SEMA4G: variants seen among roughly 807,000 people sequenced by gnomAD.
SEMA4G encodes semaphorin-4G.
A neutral mutation model predicts 81.2 loss-of-function variants in SEMA4G; 59 were observed. The ratio of observed to expected loss-of-function variants is 0.73; its 90% CI spans 0.59 to 0.90. The LOEUF is 0.90. Among genes scored for constraint, SEMA4G ranks in the 40% least tolerant of loss-of-function variants. The pLI is 0.00. For synonymous variants in SEMA4G, 404 were observed against 433.9 expected (o/e 0.93, Z 0.86); for missense variants, 952 against 1,102.3 (o/e 0.86, Z 1.93).
chr10:100,969,693 T>C (rs939127465), upstream of SEMA4G: 1 of 363,550 alleles, frequency 2.8e-6, no homozygotes, highest in Non-Finnish European at 5.7e-6. Context: ...CCCTCCAAGC[T>C]GGGCCAGGCC....
chr10:100,981,451 C>A, intron 13 of SEMA4G: 1 of 1,614,086 alleles, frequency 6.2e-7, no homozygotes, highest in South Asian at 1.1e-5. Context: ...AGTGTCTTGT[C>A]ACTTCTGGAG....
Position 100,979,315 on chromosome 10 carries a change from T to C in SEMA4G, c.983+44T>C, listed in dbSNP as rs576770183. The C allele has an allele frequency of 4.2e-5, 68 of 1,613,690 alleles. No homozygotes were observed. The African/African-American group carries it at 6.3e-4, about 15-fold the overall frequency. ...GGGAGGCAAGAAACTGCGGACAGCA[T>C]AGGGGCTGGAGCAGAGGTCAATGAG... On this transcript the variant is annotated intron_variant, in intron 8 of 13. Coordinates refer to ENST00000370250, the Ensembl canonical transcript of SEMA4G.
chr10:100,984,908 G>C (rs993082702), downstream of SEMA4G: 2 of 1,453,072 alleles, frequency 1.4e-6, no homozygotes, highest in African/African-American at 2.8e-5. Flanking sequence ...CAGAGCTCCA[G>C]GCATGTCCCA....
At chr10:100,978,129 A>G in intron 4 of SEMA4G, 166 bp from the exon 6 acceptor site, 1 of 607,338 alleles carries the variant, frequency 1.6e-6, no homozygotes, top group South Asian at 2.0e-5. Flanking sequence ...TTTTGAGGCC[A>G]TAAGGTCATT....
rs770163597 is a variant in SEMA4G at position 100,979,920 on chromosome 10, T to A, written c.1056T>A (p.Tyr352Ter). 12 of 1,614,096 alleles carry A rather than the reference T, an allele frequency of 7.4e-6. No individual in the cohort carries two copies. The highest frequency in any genetic ancestry group is 1.0e-5 in the Non-Finnish European group (12 of 1,180,016). The change falls in exon 9 of 14, where the codon TAT becomes TAA. Residue 352 changes from tyrosine (Y) to a stop codon, truncating the protein, a stop_gained. Coordinates refer to ENST00000370250, the Ensembl canonical transcript of SEMA4G. LOFTEE classifies it high-confidence loss of function. The stretch of plus-strand genomic sequence containing the variant: ...TCCAGGCTGTCTTTGCAGGACCCTA[T>A]ATGGAATACCAGGATGGTTCCCGGC...
chr10:100,976,741 A>C (rs1396218537), intron 3 of SEMA4G, among the ~76,000 whole-genome samples: 1 of 152,282 alleles, frequency 6.6e-6, no homozygotes, highest in African/African-American at 2.4e-5. Context: ...TCTTCTTGGC[A>C]GGCAACCTGG....
chr10:100,978,567 C>CATT lies in SEMA4G; in HGVS notation c.571_573dup (p.Ile191dup), dbSNP rs760677059. 3.5e-5 allele frequency: 56 copies of CATT among 1,614,052 alleles called. No individual in the cohort carries two copies. In the Admixed American group the frequency reaches 9.3e-4, roughly 27 times the overall value. On this transcript the variant is annotated inframe_insertion, in exon 6 of 14. Transcript: ENST00000370250. The stretch of plus-strand genomic sequence containing the variant: ...CAGCCACTAGGTATGAATTCCGGAG[C>CATT]ATTCCTGACATCCGCCGGAGCCGCC...
intron 13 of SEMA4G, among the ~76,000 whole-genome samples, 165 bp from the exon 15 acceptor site, chr10:100,983,140 A>G (rs978012206): frequency 1.3e-5 from 2 of 152,214 alleles, no homozygotes; most frequent in African/African-American, 4.8e-5. Context: ...GGAAGGGCCA[A>G]CGTGAACCTT....
exon 14 of SEMA4G, chr10:100,984,022 A>G: frequency 6.2e-7 from 1 of 1,613,580 alleles, no homozygotes; most frequent in Non-Finnish European, 8.5e-7. Context: ...AGGCAGAGCA[A>G]CAATGGAGTA....
At position 100,973,225 on chromosome 10, in the gene SEMA4G, G is replaced by T. The variant is rs1007038634; in HGVS notation, c.221G>T (p.Gly74Val). The change falls in exon 2 of 14, where the codon GGT becomes GTT. Residue 74 changes from glycine (G) to valine (V), a missense_variant. Gly to Val is a moderately radical substitution (Grantham distance 109). This residue lies in a region of SEMA4G where 436 missense variants were observed against 488.2 expected (regional missense o/e 0.89). Coordinates refer to ENST00000370250, the Ensembl canonical transcript of SEMA4G. This position sits in a 1 kb window ranked among gnomAD's most constrained non-coding sequence, Gnocchi z 5.5. Reference sequence around the variant, plus strand: ...GCAAGGCTGCTGGTGGGAGCCCGAGGTGCCCTGTTCTCTCTCAGTGCCAAC... The same window carrying T: ...GCAAGGCTGCTGGTGGGAGCCCGAGTTGCCCTGTTCTCTCTCAGTGCCAAC... The T allele has an allele frequency of 1.2e-6, 2 of 1,613,514 alleles. No homozygotes were observed. The highest frequency in any genetic ancestry group is 3.3e-5 in the Admixed American group (2 of 60,022).
At chr10:100,976,472 C>T (rs751122279) in intron 3 of SEMA4G, among the ~76,000 whole-genome samples, 2 of 152,140 alleles carry the variant, frequency 1.3e-5, no homozygotes, top group Non-Finnish European at 2.9e-5. Context: ...CTAAGCCTCC[C>T]AAGTAGCTAG....
intron 11 of SEMA4G, 26 bp from the exon 13 acceptor site, chr10:100,980,796 G>T: frequency 1.9e-6 from 3 of 1,550,396 alleles, no homozygotes; most frequent in Non-Finnish European, 2.6e-6. Flanking sequence ...GGACGCTGCC[G>T]ACCAACTGTC....
exon 14 of SEMA4G, chr10:100,983,529 C>G (rs539263557): frequency 6.2e-7 from 1 of 1,614,178 alleles, no homozygotes; most frequent in Non-Finnish European, 8.5e-7. Context: ...GGAAAATGGC[C>G]TCCGCACCCT....
In SEMA4G at chr10:100,984,434, G is replaced by T. The variant is rs561836841; in HGVS notation, c.*303G>T. ...TCCCCTAACCTAAACACTTATAGGTGAGGACTCCATCCTCCTGTTCCATTC... is the reference window on the plus strand; with the variant it reads ...TCCCCTAACCTAAACACTTATAGGTTAGGACTCCATCCTCCTGTTCCATTC... On this transcript the variant is annotated 3_prime_UTR_variant, in exon 14 of 14. Transcript: ENST00000370250. The T allele has an allele frequency of 1.5e-4, 228 of 1,493,776 alleles. 2 individuals carry two copies. In the South Asian group the frequency reaches 2.8e-3, roughly 18 times the overall value. 92.5% of individuals were successfully genotyped at this position (1,493,776 alleles called of 1,614,324 possible). A position where few individuals can be genotyped will look rare whatever the true frequency, so the allele number is the denominator to read the frequency against.
At chr10:100,974,827 C>T (rs550841248) in intron 3 of SEMA4G, among the ~76,000 whole-genome samples, 1 of 152,200 alleles carries the variant, frequency 6.6e-6, no homozygotes, top group African/African-American at 2.4e-5. Flanking sequence ...ATAAACGGCC[C>T]TGGGCTGGGC....
chr10:100,979,987 G>A, exon 9 of SEMA4G: 12 of 1,614,042 alleles, frequency 7.4e-6, no homozygotes, highest in Non-Finnish European at 1.0e-5. Context: ...GCCCCGGCCT[G>A]GCTCGGTGAG....
At chr10:100,977,004 T>G (rs1179074283) in intron 3 of SEMA4G, among the ~76,000 whole-genome samples, 2 of 152,020 alleles carry the variant, frequency 1.3e-5, no homozygotes, top group African/African-American at 4.8e-5. Flanking sequence ...GACAATGAAT[T>G]AATTGTGGAG....
intron 3 of SEMA4G, among the ~76,000 whole-genome samples, chr10:100,977,280 G>T (rs908503559): frequency 6.6e-6 from 1 of 152,186 alleles, no homozygotes; most frequent in Admixed American, 6.5e-5. Context: ...TCCAAGAATA[G>T]AAAGAGGTGC....
In SEMA4G at chr10:100,973,089, G is replaced by T; in HGVS notation, c.125-40G>T. The T allele has an allele frequency of 1.9e-6, 3 of 1,614,028 alleles. No homozygotes were observed. Among genetic ancestry groups the T allele is most frequent in the Non-Finnish European group, 2.5e-6 (3 of 1,179,982 alleles). ...AGAAGCCAGGGCTGGGGGTGGGGAG[G>T]CACCCCAGAACTAGGGCTCACTGTT... On this transcript the variant is annotated intron_variant, in intron 1 of 13. Transcript: ENST00000370250. The surrounding 1 kb of genome is among the most constrained non-coding windows in gnomAD (Gnocchi z 5.5).
Sources: allele counts gnomAD v4.1 joint callset (sites outside exome capture counted in the v4.1 genomes callset), GRCh38; gene constraint gnomAD v4.1.1; regional missense constraint gnomAD v4.1.1; non-coding constraint Gnocchi (gnomAD v3.1); transcripts MANE v1.5; gene names NCBI Gene and HGNC (gene_info 2026-07-23, HGNC 2026-07-21).